The following DGKI variants were observed in gnomAD, a reference collection of about 807,000 sequenced individuals.
DGKI encodes diacylglycerol kinase iota, also known as DAG kinase iota.
A neutral mutation model predicts 147.5 loss-of-function variants in DGKI; 55 were observed. The ratio of observed to expected loss-of-function variants is 0.37; its 90% confidence interval spans 0.30 to 0.47. The LOEUF (loss-of-function observed/expected upper bound fraction) is 0.47, where lower values mean the gene tolerates loss of function less well. Among genes scored for constraint, DGKI ranks in the 20% least tolerant of loss-of-function variants. The probability of loss-of-function intolerance (pLI) is 1.00; values close to 1 mark genes in which losing one functional copy is unlikely to be tolerated. For missense variants in DGKI, 1,007 were observed against 1,323.8 expected, an observed-to-expected ratio of 0.76 and a Z score of 3.71; for synonymous variants, 469 against 477.1, an observed-to-expected ratio of 0.98 and a Z score of 0.22.
intron 1 of DGKI, among the ~76,000 whole-genome samples, chr7:137,785,924 C>T (rs183711411): frequency 2.0e-4 from 31 of 152,250 alleles, no homozygotes; most frequent in African/African-American, 6.3e-4. Context: ...TCCAGCATCA[C>T]TTTATGATTA....
Position 137,383,261 on chromosome 7 carries a change from T to C in DGKI, c.*7959A>G, listed in dbSNP as rs1811101438. 6.6e-6 allele frequency: 1 copy of C among 151,348 alleles called. No individual in the cohort carries two copies. The highest frequency in any genetic ancestry group is 2.4e-5 in the African/African-American group (1 of 41,318). 9.4% of individuals were successfully genotyped at this position (151,348 alleles called of 1,614,324 possible). A position where few individuals can be genotyped will look rare whatever the true frequency, so the allele number is the denominator to read the frequency against. The stretch of plus-strand genomic sequence containing the variant: ...CAATTTCCAAATCTCCTAAATTGGC[T>C]AACAATTGGCAAAAATGCTAGCCAA... On this transcript the variant is annotated 3_prime_UTR_variant, in exon 33 of 33. Coordinates refer to ENST00000614521, the MANE Select transcript of DGKI (RefSeq NM_001321708.2).
chr7:137,773,963 G>A (rs1796287037), intron 1 of DGKI, among the ~76,000 whole-genome samples: 1 of 152,164 alleles, frequency 6.6e-6, no homozygotes, highest in Non-Finnish European at 1.5e-5. Context: ...TGGATGTCTA[G>A]AAGGTGAGAA....
intron 1 of DGKI, chr7:137,774,777 G>T (rs988467060): frequency 3.9e-5 from 6 of 152,228 alleles, no homozygotes; most frequent in African/African-American, 1.4e-4. Context: ...CTTTCCTCCT[G>T]TGAGCAACCC....
chr7:137,731,928 C>A (rs1225281212), intron 1 of DGKI, among the ~76,000 whole-genome samples: 4 of 152,020 alleles, frequency 2.6e-5, no homozygotes. Context: ...GGACCATGTA[C>A]CTTTAAATAA....
chr7:137,654,853 A>G (rs1311095646), intron 4 of DGKI, 65 bp from the exon 5 acceptor site: 2 of 393,380 alleles, frequency 5.1e-6, no homozygotes, highest in Non-Finnish European at 7.6e-6. Context: ...GAATTACCTG[A>G]AAAAAAAAAA....
chr7:137,660,846 C>G (rs3800620), intron 3 of DGKI, among the ~76,000 whole-genome samples: 1 of 147,114 alleles, frequency 6.8e-6, no homozygotes, highest in African/African-American at 2.5e-5. Flanking sequence ...GGGGAAAAGA[C>G]GGGAAAGGGT....
At chr7:137,600,002 C>T (rs1339153554) in intron 10 of DGKI, 97 bp from the exon 11 acceptor site, 18 of 1,101,800 alleles carry the variant, frequency 1.6e-5, no homozygotes, top group Non-Finnish European at 2.3e-5. Flanking sequence ...TAAAATAATA[C>T]ACAGGGCACG....
chr7:137,750,863 G>T (rs530005976), intron 1 of DGKI, among the ~76,000 whole-genome samples: 14 of 152,260 alleles, frequency 9.2e-5, no homozygotes, highest in South Asian at 4.2e-4. Flanking sequence ...CATCCACAGA[G>T]AATCTGGCTT....
intron 19 of DGKI, among the ~76,000 whole-genome samples, chr7:137,559,276 A>C (rs974202922): frequency 6.6e-6 from 1 of 150,990 alleles, no homozygotes; most frequent in Non-Finnish European, 1.5e-5. Context: ...TTTCACCGTT[A>C]TAGCCGGGAT....
In DGKI at chr7:137,763,660, C is replaced by T. The variant is rs559543030; in HGVS notation, c.402-73658G>A. ...TTCCAGCTCCTGTCCCATTTATTAT[C>T]CACGATTCTCCAAAGATTCTAAACA... On this transcript the variant is annotated intron_variant, in intron 1 of 32. Coordinates refer to ENST00000614521, the MANE Select transcript of DGKI (RefSeq NM_001321708.2). 7.2e-4 allele frequency among the ~76,000 whole-genome samples: 110 copies of T among 152,340 alleles called. 1 individual carries two copies. Among genetic ancestry groups the T allele is most frequent in the African/African-American group, 2.3e-3 (94 of 41,572 alleles).
chr7:137,842,285 C>T (rs962559080), intron 1 of DGKI, among the ~76,000 whole-genome samples: 1 of 152,214 alleles, frequency 6.6e-6, no homozygotes, highest in Non-Finnish European at 1.5e-5. Context: ...CCTCAAATAT[C>T]TTTCTTGTAA....
At chr7:137,825,808 T>C (rs1246069238) in intron 1 of DGKI, among the ~76,000 whole-genome samples, 1 of 152,242 alleles carries the variant, frequency 6.6e-6, no homozygotes, top group East Asian at 1.9e-4. Context: ...AATTTGTTTA[T>C]GTCTTTGTCA....
At chr7:137,399,213 T>C (rs1268659923) in intron 30 of DGKI, among the ~76,000 whole-genome samples, 1 of 152,190 alleles carries the variant, frequency 6.6e-6, no homozygotes, top group Non-Finnish European at 1.5e-5. Context: ...TATTTGGTTC[T>C]ATCCTCATAC....
chr7:137,497,383 C>G (rs1050341586), intron 21 of DGKI, among the ~76,000 whole-genome samples: 1 of 151,996 alleles, frequency 6.6e-6, no homozygotes, highest in Non-Finnish European at 1.5e-5. Context: ...AGCAGTTTGG[C>G]AATTACTCTA....
At chr7:137,427,113 C>T (rs1345015234) in intron 28 of DGKI, among the ~76,000 whole-genome samples, 1 of 151,944 alleles carries the variant, frequency 6.6e-6, no homozygotes, top group Non-Finnish European at 1.5e-5. Context: ...TTCAGCACCA[C>T]CCCACACCTA....
At chr7:137,806,364 G>C (rs1797363977) in intron 1 of DGKI, among the ~76,000 whole-genome samples, 1 of 152,244 alleles carries the variant, frequency 6.6e-6, no homozygotes. Context: ...GTCAGGATTT[G>C]AATGCAGGTC....
At chr7:137,632,720 G>T (rs775505172) in intron 6 of DGKI, among the ~76,000 whole-genome samples, 1 of 152,084 alleles carries the variant, frequency 6.6e-6, no homozygotes, top group Non-Finnish European at 1.5e-5. Context: ...TTAGCTGGGC[G>T]TGGTGGCACA....
In DGKI at chr7:137,552,433, G is replaced by C. The variant is rs760734547; in HGVS notation, c.2083C>G (p.Leu695Val). 1 of 1,614,056 alleles carries C rather than the reference G, an allele frequency of 6.2e-7. No individual in the cohort carries two copies. The highest frequency in any genetic ancestry group is 2.2e-5 in the East Asian group (1 of 44,870). The part of the protein sequence containing the change: ...RLAPAMIRIS[L>V]RNQANMVQKS... ...TGTACCATGTTGGCCTGATTCCTCA[G>C]GGAGATCCGAATCATAGCTGGGGCC... Residue 695 changes from leucine (L) to valine (V), a missense_variant, in exon 20 of 33, where the codon CTG becomes GTG. Transcript: ENST00000614521.
chr7:137,506,253 C>T lies in DGKI; in HGVS notation c.2248+15613G>A, dbSNP rs112152345. Among the ~76,000 whole-genome samples, 390 of 152,120 alleles carry T rather than the reference C, an allele frequency of 2.6e-3. 2 individuals carry two copies. Among genetic ancestry groups the T allele is most frequent in the African/African-American group, 8.9e-3 (370 of 41,506 alleles). ...GATAAATTGTGGTATGCCCAGACAACGGAGTATTATTCAACAATAAAAAGA... is the reference window on the plus strand; with the variant it reads ...GATAAATTGTGGTATGCCCAGACAATGGAGTATTATTCAACAATAAAAAGA... On this transcript the variant is annotated intron_variant, in intron 21 of 32. Coordinates refer to ENST00000614521, the MANE Select transcript of DGKI (RefSeq NM_001321708.2).
Sources: allele counts gnomAD v4.1 joint callset (sites outside exome capture counted in the v4.1 genomes callset), GRCh38; gene constraint gnomAD v4.1.1; transcripts MANE v1.5; gene names NCBI Gene and HGNC (gene_info 2026-07-23, HGNC 2026-07-21).